Variants in CC2D2A observed in about 807,000 individuals in gnomAD.
CC2D2A encodes coiled-coil and C2 domain containing 2A.
CC2D2A carries 155 observed loss-of-function variants against 212.9 expected under a neutral mutation model. The ratio of observed to expected loss-of-function variants is 0.73; its 90% CI spans 0.64 to 0.83. The LOEUF is 0.83. Among genes scored for constraint, CC2D2A ranks in the 40% least tolerant of loss-of-function variants. The pLI, the probability that CC2D2A is intolerant of heterozygous loss-of-function variation, is 0.00. For synonymous variants in CC2D2A, 667 were observed against 686.5 expected (o/e 0.97, Z 0.44); for missense variants, 1,856 against 1,956.2 (o/e 0.95, Z 0.97).
intron 4 of CC2D2A, among the ~76,000 whole-genome samples, chr4:15,490,187 G>C (rs62289344): frequency 1.3e-5 from 2 of 152,138 alleles, no homozygotes; most frequent in Non-Finnish European, 2.9e-5. Context: ...CCCATTGTTA[G>C]TGTACAATTT....
Position 15,470,679 on chromosome 4 carries a change from CTCTCTCTCTCTATATATATATATATA to C in CC2D2A, c.-19+624_-19+649del, listed in dbSNP as rs1214577186. On this transcript the variant is annotated intron_variant, in intron 1 of 36. Coordinates refer to ENST00000424120, the MANE Select transcript of CC2D2A (RefSeq NM_001378615.1). The stretch of plus-strand genomic sequence containing the variant: ...TCTCTCTCTCTCTCTCTCTCTCTCT[CTCTCTCTCTCTATATATATATATATA>C]TATATATATATATATATATATATAT... 5.8e-3 allele frequency among the ~76,000 whole-genome samples: 407 copies of C among 70,232 alleles called. 2 individuals carry two copies. The highest frequency in any genetic ancestry group is 8.4e-3 in the Admixed American group (45 of 5,350). 46.1% of individuals were successfully genotyped at this position (70,232 alleles called of 152,430 possible).
At chr4:15,523,191 C>T (rs1244840460) in intron 11 of CC2D2A, among the ~76,000 whole-genome samples, 6 of 151,936 alleles carry the variant, frequency 3.9e-5, no homozygotes, top group African/African-American at 1.5e-4. Flanking sequence ...TCCTTCCTTC[C>T]TTCCTTCCTT....
At chr4:15,479,503 G>A (rs1466895704) in intron 3 of CC2D2A, among the ~76,000 whole-genome samples, 2 of 152,140 alleles carry the variant, frequency 1.3e-5, no homozygotes, top group African/African-American at 4.8e-5. Flanking sequence ...CAGGAGAGAT[G>A]AAGAGGTCAT....
At chr4:15,587,585 G>GT (rs1720907390) in intron 31 of CC2D2A, among the ~76,000 whole-genome samples, 1 of 152,126 alleles carries the variant, frequency 6.6e-6, no homozygotes, top group South Asian at 2.1e-4. Flanking sequence ...CACAATCATA[G>GT]TGAGTATTGA....
intron 33 of CC2D2A, among the ~76,000 whole-genome samples, chr4:15,592,717 G>T (rs1005443371): frequency 6.6e-6 from 1 of 151,988 alleles, no homozygotes; most frequent in African/African-American, 2.4e-5. Flanking sequence ...ATTATTAATT[G>T]TGGCTCTATC....
intron 4 of CC2D2A, among the ~76,000 whole-genome samples, chr4:15,501,285 T>A (rs1390198524): frequency 6.6e-6 from 1 of 152,132 alleles, no homozygotes; most frequent in Middle Eastern, 3.2e-3. Flanking sequence ...GTATTTTCCT[T>A]TGTGTGGCCT....
chr4:15,524,998 G>C (rs901916296), intron 11 of CC2D2A, among the ~76,000 whole-genome samples: 12 of 152,210 alleles, frequency 7.9e-5, no homozygotes, highest in Admixed American at 3.3e-4. Context: ...AAGGAACTAG[G>C]TGTCTTTCTC....
chr4:15,574,411 C>G, intron 29 of CC2D2A, 85 bp downstream of exon 29: 1 of 1,030,090 alleles, frequency 9.7e-7, no homozygotes, highest in Non-Finnish European at 1.4e-6. Context: ...TGAACTTTTT[C>G]CTACACAAAC....
chr4:15,599,567 G>A lies in CC2D2A; in HGVS notation c.4535G>A (p.Arg1512Lys), dbSNP rs1306611568. 2 of 1,595,008 alleles carry A rather than the reference G, an allele frequency of 1.3e-6. No homozygotes were observed. Among genetic ancestry groups the A allele is most frequent in the African/African-American group, 1.3e-5 (1 of 74,670 alleles). ...KILKEKIMDW[R>K]PRHLTRWNRY... ...CTAAAAGAAAAAATCATGGACTGGA[G>A]GCCACGCCATCTGACTCGGTGGAAT... The change falls in exon 36 of 37, where the codon AGG (arginine) becomes AAG (lysine). Residue 1512 changes from arginine to lysine, a missense_variant. By Grantham distance (26) the Arg-to-Lys change is conservative. Coordinates refer to ENST00000424120, the MANE Select transcript of CC2D2A (RefSeq NM_001378615.1).
chr4:15,470,809 G>C (rs1713762554), intron 1 of CC2D2A, among the ~76,000 whole-genome samples: 2 of 150,672 alleles, frequency 1.3e-5, no homozygotes, highest in Admixed American at 6.6e-5. Flanking sequence ...ATGAATTTAA[G>C]TTTAGAGTGT....
intron 9 of CC2D2A, 68 bp downstream of exon 9, chr4:15,514,937 A>G: frequency 6.9e-7 from 1 of 1,442,524 alleles, no homozygotes; most frequent in East Asian, 2.3e-5. Context: ...AAATATGGCT[A>G]GTGTATAAGG....
intron 4 of CC2D2A, among the ~76,000 whole-genome samples, chr4:15,494,407 A>G (rs1354292531): frequency 6.6e-6 from 1 of 152,192 alleles, no homozygotes; most frequent in African/African-American, 2.4e-5. Flanking sequence ...AGAACTAGAA[A>G]AAAAGATAGT....
chr4:15,591,298 C>G (rs558538302), intron 33 of CC2D2A, among the ~76,000 whole-genome samples: 1 of 149,996 alleles, frequency 6.7e-6, no homozygotes, highest in African/African-American at 2.5e-5. Flanking sequence ...CGGCTCAACG[C>G]AACCTCCGTC....
Position 15,557,336 on chromosome 4 carries a change from T to C in CC2D2A, c.2658T>C (p.Asp886=). ...VATSGESYVP[D]FFRLEQLQQE... Reference sequence around the variant, plus strand: ...CCAGTGGTGAATCCTATGTCCCTGATTTCTTTAGACTGGAGCAGCTGCAAC... The same window carrying C: ...CCAGTGGTGAATCCTATGTCCCTGACTTCTTTAGACTGGAGCAGCTGCAAC... Residue 886 remains aspartate (D), a synonymous_variant, in exon 21 of 37, where the codon GAT becomes GAC. Coordinates refer to ENST00000424120, the MANE Select transcript of CC2D2A (RefSeq NM_001378615.1). 1 of 1,613,512 alleles carries C rather than the reference T, an allele frequency of 6.2e-7. No homozygotes were observed. The highest frequency in any genetic ancestry group is 8.5e-7 in the Non-Finnish European group (1 of 1,179,638).
chr4:15,493,870 TG>T (rs1336296415), intron 4 of CC2D2A, among the ~76,000 whole-genome samples: 1 of 152,238 alleles, frequency 6.6e-6, no homozygotes, highest in Non-Finnish European at 1.5e-5. Flanking sequence ...AACTGGAGTT[TG>T]TAGAATACTA....
At chr4:15,479,513 T>C (rs1714484761) in intron 3 of CC2D2A, among the ~76,000 whole-genome samples, 1 of 151,906 alleles carries the variant, frequency 6.6e-6, no homozygotes, top group Non-Finnish European at 1.5e-5. Context: ...GAAGAGGTCA[T>C]AGGGAGACAG....
At chr4:15,537,825 T>G in intron 15 of CC2D2A, 74 bp from the exon 16 acceptor site, 1 of 1,464,032 alleles carries the variant, frequency 6.8e-7, no homozygotes, top group Admixed American at 2.0e-5. Flanking sequence ...CAGGTCCATC[T>G]GGCTATGAAG....
At chr4:15,600,945 T>C (rs1721566207) in intron 36 of CC2D2A, among the ~76,000 whole-genome samples, 1 of 151,562 alleles carries the variant, frequency 6.6e-6, no homozygotes, top group Non-Finnish European at 1.5e-5. Flanking sequence ...TATTTGTTAG[T>C]TTAACCTATG....
chr4:15,477,999 G>T (rs149376316), intron 2 of CC2D2A, among the ~76,000 whole-genome samples: 1 of 152,126 alleles, frequency 6.6e-6, no homozygotes. Context: ...ACCCCAGAGA[G>T]GTTCTGTTTA....
Sources: allele counts gnomAD v4.1 joint callset (sites outside exome capture counted in the v4.1 genomes callset), GRCh38; gene constraint gnomAD v4.1.1; transcripts MANE v1.5; gene names NCBI Gene and HGNC (gene_info 2026-07-23, HGNC 2026-07-21).